INPP5D: variants seen among roughly 807,000 people sequenced by gnomAD.
The protein encoded by INPP5D is phosphatidylinositol 3,4,5-trisphosphate 5-phosphatase 1.
INPP5D carries 33 observed loss-of-function variants against 122.9 expected under a neutral mutation model. The ratio of observed to expected loss-of-function variants is 0.27; its 90% CI spans 0.20 to 0.36. The LOEUF is 0.36. Ranked by LOEUF, INPP5D falls within the 10% of genes least tolerant of loss-of-function variation. The pLI, the probability that INPP5D is intolerant of heterozygous loss-of-function variation, is 1.00. For synonymous variants in INPP5D, 584 were observed against 576.2 expected, an observed-to-expected ratio of 1.01 and a Z score of -0.19; for missense variants, 1,053 against 1,412.7, an observed-to-expected ratio of 0.75 and a Z score of 4.08.
Position 233,164,453 on chromosome 2 carries a change from C to T in INPP5D, c.1555+29C>T. 2.0e-6 allele frequency: 3 copies of T among 1,522,526 alleles called. No individual in the cohort carries two copies. The highest frequency in any genetic ancestry group is 1.2e-5 in the South Asian group (1 of 81,366). The allele number at this position is 1,522,526 out of a possible 1,614,324, so 94.3% of individuals were successfully genotyped here. A position where few individuals can be genotyped will look rare whatever the true frequency, so the allele number is the denominator to read the frequency against. ...AGCAGGGCGGGGACCCTGTGTTCCT[C>T]CCACACCCTCTGCCTCAACTCTCGC... is the stretch of plus-strand genomic sequence containing the variant. On this transcript the variant is annotated intron_variant, in intron 13 of 26. Transcript: ENST00000445964. The surrounding 1 kb of genome is among the most constrained non-coding windows in gnomAD (Gnocchi z 4.3).
At chr2:233,172,292 C>T (rs1267612673) in intron 17 of INPP5D, among the ~76,000 whole-genome samples, 2 of 152,120 alleles carry the variant, frequency 1.3e-5, no homozygotes, top group African/African-American at 4.8e-5. Flanking sequence ...GGAGAGTGGC[C>T]GGTCCTAGAT....
At chr2:233,114,959 C>A (rs1194233452) in intron 2 of INPP5D, among the ~76,000 whole-genome samples, 2 of 152,058 alleles carry the variant, frequency 1.3e-5, no homozygotes, top group African/African-American at 4.8e-5. Context: ...CCTCTGCCTC[C>A]CAGGTTCAAG....
At chr2:233,193,998 C>A in intron 23 of INPP5D, 37 bp downstream of exon 23, 1 of 1,542,354 alleles carries the variant, frequency 6.5e-7, no homozygotes. Flanking sequence ...CCTCTTCAGC[C>A]CCCCACTTAG....
chr2:233,122,357 A>G (rs920500823), intron 3 of INPP5D, 100 bp downstream of exon 3: 62 of 1,300,442 alleles, frequency 4.8e-5, no homozygotes, highest in Non-Finnish European at 6.4e-5. Context: ...TATCAGAGGG[A>G]GATTGTTGGC....
intron 1 of INPP5D, among the ~76,000 whole-genome samples, chr2:233,077,933 A>G (rs1691568256): frequency 4.6e-5 from 7 of 151,976 alleles, no homozygotes; most frequent in Non-Finnish European, 2.9e-5. Context: ...GAGTGCCTGT[A>G]CCTGAGGGGG....
chr2:233,116,046 C>G (rs1692778772), intron 2 of INPP5D, among the ~76,000 whole-genome samples: 1 of 152,020 alleles, frequency 6.6e-6, no homozygotes, highest in East Asian at 1.9e-4. Context: ...TAATGGGAGG[C>G]AAGAGAAGAG....
At chr2:233,073,828 T>C (rs1178044781) in intron 1 of INPP5D, among the ~76,000 whole-genome samples, 1 of 152,042 alleles carries the variant, frequency 6.6e-6, no homozygotes, top group African/African-American at 2.4e-5. Flanking sequence ...TAGCTGCTAT[T>C]TCCTGCCTCT....
At chr2:233,103,889 T>G (rs1692389074) in intron 2 of INPP5D, among the ~76,000 whole-genome samples, 1 of 150,630 alleles carries the variant, frequency 6.6e-6, no homozygotes, top group South Asian at 2.1e-4. Context: ...GTGTTTTTAG[T>G]AGAGATGGGG....
intron 2 of INPP5D, among the ~76,000 whole-genome samples, chr2:233,091,549 T>C (rs1449703312): frequency 6.6e-6 from 1 of 152,152 alleles, no homozygotes; most frequent in East Asian, 1.9e-4. Flanking sequence ...GAACCAGTAA[T>C]GGCCCATCAA....
At chr2:233,090,564 A>T (rs1391020337) in intron 2 of INPP5D, among the ~76,000 whole-genome samples, 1 of 152,210 alleles carries the variant, frequency 6.6e-6, no homozygotes. Flanking sequence ...GAAGACCCTA[A>T]AAAGAGTTCT....
At chr2:233,097,926 G>C (rs548693617) in intron 2 of INPP5D, among the ~76,000 whole-genome samples, 2 of 150,590 alleles carry the variant, frequency 1.3e-5, no homozygotes, top group African/African-American at 4.9e-5. Flanking sequence ...TCACTCTGTC[G>C]CCTAGGCTGG....
intron 6 of INPP5D, among the ~76,000 whole-genome samples, chr2:233,144,378 TCATGATCACGGTGGG>T (rs1693695573): frequency 7.2e-6 from 1 of 139,264 alleles, no homozygotes; most frequent in Non-Finnish European, 1.6e-5. Context: ...GTGGAGGTGG[TCATGATCACGGTGGG>T]AGTGATAGGG....
chr2:233,101,878 G>A lies in INPP5D; in HGVS notation c.199-20229G>A, dbSNP rs183696103. 2.6e-4 allele frequency among the ~76,000 whole-genome samples: 39 copies of A among 151,664 alleles called. No homozygotes were observed. The Admixed American group carries it at 2.6e-3, about 10-fold the overall frequency. On this transcript the variant is annotated intron_variant, in intron 2 of 26. Transcript: ENST00000445964. ...GATGTTTTTTCTACCTGCCTGGTCTGCTTCCTTGACTGTGTGATCAGGGTC... is the reference window on the plus strand; with the variant it reads ...GATGTTTTTTCTACCTGCCTGGTCTACTTCCTTGACTGTGTGATCAGGGTC...
chr2:233,160,133 T>G lies in INPP5D; in HGVS notation c.1138-1591T>G, dbSNP rs547286964. ...GAGCCACTCCCAACTCGAGGCAGGTTATAGTAAAGATGGTCATTATGACAT... is the reference window on the plus strand; with the variant it reads ...GAGCCACTCCCAACTCGAGGCAGGTGATAGTAAAGATGGTCATTATGACAT... On this transcript the variant is annotated intron_variant, in intron 10 of 26. Transcript: ENST00000445964. This position sits in a 1 kb window ranked among gnomAD's most constrained non-coding sequence, Gnocchi z 4.2. 6.6e-6 allele frequency among the ~76,000 whole-genome samples: 1 copy of G among 152,284 alleles called. No homozygotes were observed. Among genetic ancestry groups the G allele is most frequent in the East Asian group, 1.9e-4 (1 of 5,190 alleles).
intron 21 of INPP5D, among the ~76,000 whole-genome samples, chr2:233,186,733 T>G (rs1303401843): frequency 1.3e-5 from 1 of 76,334 alleles, no homozygotes; most frequent in Non-Finnish European, 2.4e-5. Flanking sequence ...TTTTTTTTTT[T>G]TTTTTTTGAG....
intron 18 of INPP5D, among the ~76,000 whole-genome samples, chr2:233,181,463 C>T (rs1399442075): frequency 1.3e-5 from 2 of 152,146 alleles, no homozygotes; most frequent in Non-Finnish European, 2.9e-5. Context: ...CCCAGACATG[C>T]TCAGGTCTTC....
At chr2:233,198,620 A>T (rs1695248322) in intron 25 of INPP5D, among the ~76,000 whole-genome samples, 1 of 152,270 alleles carries the variant, frequency 6.6e-6, no homozygotes, top group African/African-American at 2.4e-5. Flanking sequence ...TATTGCCAAG[A>T]AAAGGAACCT....
intron 18 of INPP5D, among the ~76,000 whole-genome samples, chr2:233,180,308 T>C (rs558090684): frequency 5.3e-5 from 8 of 151,988 alleles, no homozygotes; most frequent in Middle Eastern, 3.4e-3. Flanking sequence ...AAGGGCACAC[T>C]GTAGTGCCAT....
At chr2:233,102,845 G>A (rs190695734) in intron 2 of INPP5D, among the ~76,000 whole-genome samples, 26 of 131,650 alleles carry the variant, frequency 2.0e-4, no homozygotes, top group African/African-American at 7.6e-4. Flanking sequence ...GCAAGACTCC[G>A]TCTCAAAAAA....
Sources: allele counts gnomAD v4.1 joint callset (sites outside exome capture counted in the v4.1 genomes callset), GRCh38; gene constraint gnomAD v4.1.1; non-coding constraint Gnocchi (gnomAD v3.1); transcripts MANE v1.5; gene names NCBI Gene and HGNC (gene_info 2026-07-23, HGNC 2026-07-21).